The following TAF1B variants were observed in gnomAD, a reference collection of about 807,000 sequenced individuals.
TAF1B encodes TATA box-binding protein-associated factor RNA polymerase I subunit B.
TAF1B carries 61 observed loss-of-function variants against 83.9 expected under a neutral mutation model. The ratio of observed to expected loss-of-function variants is 0.73; its 90% CI spans 0.59 to 0.90. TAF1B has a LOEUF of 0.90. Among genes scored for constraint, TAF1B ranks in the 40% least tolerant of loss-of-function variants. The pLI, the probability that TAF1B is intolerant of heterozygous loss-of-function variation, is 0.00. For synonymous variants in TAF1B, 221 were observed against 224.6 expected (o/e 0.98, Z 0.14); for missense variants, 625 against 677.0 (o/e 0.92, Z 0.85).
intron 14 of TAF1B, among the ~76,000 whole-genome samples, chr2:9,929,142 T>TTTGTTGTTG (rs70948857): frequency 0.036 from 5,411 of 150,962 alleles, 162 homozygotes; most frequent in African/African-American, 0.075. Flanking sequence ...ATTGGTTCTG[T>TTTGTTGTTG]TTGTTGTTGT....
chr2:9,860,995 C>T (rs995616003), intron 5 of TAF1B, among the ~76,000 whole-genome samples: 4 of 152,318 alleles, frequency 2.6e-5, no homozygotes, highest in African/African-American at 9.6e-5. Flanking sequence ...ATAGGAACAG[C>T]TCCAGTCTAC....
chr2:9,911,691 C>A, intron 11 of TAF1B, 134 bp downstream of exon 11: 1 of 519,828 alleles, frequency 1.9e-6, no homozygotes, highest in Non-Finnish European at 3.2e-6. Flanking sequence ...GTATATTGTA[C>A]CAGTATTGTT....
At chr2:9,929,218 G>GCACAA (rs1666136304) in intron 14 of TAF1B, among the ~76,000 whole-genome samples, 1 of 152,094 alleles carries the variant, frequency 6.6e-6, no homozygotes, top group South Asian at 2.1e-4. Context: ...GAGTGCAGTG[G>GCACAA]CACAATCTCG....
At chr2:9,930,043 A>G (rs1666164800) in intron 14 of TAF1B, among the ~76,000 whole-genome samples, 1 of 152,072 alleles carries the variant, frequency 6.6e-6, no homozygotes, top group East Asian at 1.9e-4. Flanking sequence ...CCCCTTTATC[A>G]TTGCATCTAT....
At chr2:9,891,582 T>TA (rs1421446163) in intron 8 of TAF1B, among the ~76,000 whole-genome samples, 2 of 151,976 alleles carry the variant, frequency 1.3e-5, no homozygotes, top group African/African-American at 4.8e-5. Flanking sequence ...TTCTACTTAT[T>TA]AAAAAAAAGT....
In TAF1B at chr2:9,919,812, C is replaced by A. The variant is rs1259746730; in HGVS notation, c.1557C>A (p.Phe519Leu). ...NSLYWLSTQK[F>L]CRCYCTHVTT... The stretch of plus-strand genomic sequence containing the variant: ...TATATTGGCTTAGTACACAGAAATT[C>A]TGCAGATGGTAATAATGCTTTTAGA... Residue 519 changes from phenylalanine (F) to leucine (L), a missense_variant, in exon 14 of 15, where the codon TTC becomes TTA. By Grantham distance (22) the Phe-to-Leu change is conservative (BLOSUM62 0). Transcript: ENST00000263663. 6.2e-7 allele frequency: 1 copy of A among 1,613,310 alleles called. No homozygotes were observed. Among genetic ancestry groups the A allele is most frequent in the Non-Finnish European group, 8.5e-7 (1 of 1,179,568 alleles).
At chr2:9,856,605 G>T (rs1663574196) in intron 5 of TAF1B, among the ~76,000 whole-genome samples, 1 of 152,138 alleles carries the variant, frequency 6.6e-6, no homozygotes, top group African/African-American at 2.4e-5. Context: ...TTTGTTGATT[G>T]TATTTATGCC....
chr2:9,843,727 A>T (rs115657324), intron 1 of TAF1B, 168 bp downstream of exon 1: 1 of 674,676 alleles, frequency 1.5e-6, no homozygotes, highest in Non-Finnish European at 2.3e-6. Context: ...GGCCGGCCGC[A>T]TGCGCGCGCG....
In TAF1B at chr2:9,922,447, CT is replaced by C. The variant is rs1172147798; in HGVS notation, c.1565+2630del. Among the ~76,000 whole-genome samples, 14 of 152,082 alleles carry C rather than the reference CT, an allele frequency of 9.2e-5. 1 individual carries two copies. The highest frequency in any genetic ancestry group is 3.4e-4 in the African/African-American group (14 of 41,390). On this transcript the variant is annotated intron_variant, in intron 14 of 14. Transcript: ENST00000263663. ...TGCTCTGCCTCCTGCCTAGAATGTTCTTTCCCCCATGTATCCACATGGGCTC... is the reference window on the plus strand; with the variant it reads ...TGCTCTGCCTCCTGCCTAGAATGTTCTTCCCCCATGTATCCACATGGGCTC...
intron 5 of TAF1B, among the ~76,000 whole-genome samples, chr2:9,861,238 C>T (rs1032050401): frequency 7.2e-5 from 11 of 152,348 alleles, no homozygotes; most frequent in South Asian, 2.1e-4. Flanking sequence ...AAAATCAGGT[C>T]GCTCCCACCC....
At position 9,851,522 on chromosome 2, in the gene TAF1B, C is replaced by G. The variant is rs1444723535; in HGVS notation, c.206-19C>G. 7.6e-6 allele frequency: 12 copies of G among 1,570,064 alleles called. No homozygotes were observed. Among genetic ancestry groups the G allele is most frequent in the African/African-American group, 2.7e-5 (2 of 73,212 alleles). ...TAAATTAGGAATGTATATGCTAAAA[C>G]ATGCTATTTGTCATTTAGAAAAAGG... is the stretch of plus-strand genomic sequence containing the variant. On this transcript the variant is annotated intron_variant, in intron 3 of 14. Coordinates refer to ENST00000263663, the MANE Select transcript of TAF1B (RefSeq NM_005680.3).
At chr2:9,845,438 T>G in intron 2 of TAF1B, 120 bp downstream of exon 2, 1 of 703,868 alleles carries the variant, frequency 1.4e-6, no homozygotes, top group Non-Finnish European at 2.5e-6. Context: ...AATGCCAACA[T>G]TCCAAGGATG....
At position 9,851,547 on chromosome 2, in the gene TAF1B, G is replaced by T; in HGVS notation, c.212G>T (p.Gly71Val). ...GLKKKNNTEK[G>V]WDWYVCEGFQ... is the part of the protein sequence containing the mutation. ...CATGCTATTTGTCATTTAGAAAAAGGCTGGGATTGGTATGTGTGTGAAGGT... is the reference window on the plus strand; with the variant it reads ...CATGCTATTTGTCATTTAGAAAAAGTCTGGGATTGGTATGTGTGTGAAGGT... The change falls in exon 4 of 15, where the codon GGC becomes GTC. Residue 71 changes from glycine to valine, a missense_variant. Coordinates refer to ENST00000263663, the MANE Select transcript of TAF1B (RefSeq NM_005680.3). 6.2e-7 allele frequency: 1 copy of T among 1,600,564 alleles called. No individual in the cohort carries two copies. The highest frequency in any genetic ancestry group is 8.5e-7 in the Non-Finnish European group (1 of 1,175,474).
chr2:9,845,657 G>T, intron 2 of TAF1B: 1 of 263,022 alleles, frequency 3.8e-6, no homozygotes. Context: ...TGTCATGGTG[G>T]CTTAGAGGTT....
intron 8 of TAF1B, among the ~76,000 whole-genome samples, chr2:9,884,804 T>A (rs886619698): frequency 5.3e-5 from 8 of 152,136 alleles, no homozygotes; most frequent in Non-Finnish European, 2.9e-5. Context: ...TGGGTGCTGC[T>A]GCAGCCACCC....
At chr2:9,888,044 C>T (rs148694517) in intron 8 of TAF1B, among the ~76,000 whole-genome samples, 6 of 152,140 alleles carry the variant, frequency 3.9e-5, no homozygotes, top group Admixed American at 1.3e-4. Flanking sequence ...TTTTTAGAGA[C>T]GTGGTCTTGC....
chr2:9,869,650 C>T lies in TAF1B; in HGVS notation c.553+1221C>T, dbSNP rs553354589. Among the ~76,000 whole-genome samples the T allele has an allele frequency of 5.3e-5, 8 of 151,426 alleles. No homozygotes were observed. The East Asian group carries it at 1.6e-3, about 30-fold the overall frequency. ...CAGGACTATGGGAGGCTGAGGCGAG[C>T]AGATCACTTGAGGTCAGGAGTTTGA... On this transcript the variant is annotated intron_variant, in intron 6 of 14. Coordinates refer to ENST00000263663, the MANE Select transcript of TAF1B (RefSeq NM_005680.3).
rs1250412117 is a variant in TAF1B at position 9,851,592 on chromosome 2, A to G, written c.257A>G (p.Gln86Arg). The G allele has an allele frequency of 1.2e-6, 2 of 1,612,948 alleles. No individual in the cohort carries two copies. ...VCEGFQYILYQQAEALKNLGV... is the reference protein window; with the variant it reads ...VCEGFQYILYRQAEALKNLGV... ...GAAGGTTTCCAGTATATTCTTTATC[A>G]ACAAGCAGAAGCCTTAAAGAACCTT... The change falls in exon 4 of 15, where the codon CAA (glutamine) becomes CGA (arginine). Residue 86 changes from glutamine (Q) to arginine (R), a missense_variant. Gln to Arg is a conservative substitution (Grantham distance 43). Transcript: ENST00000263663.
chr2:9,921,608 T>G (rs114025879), intron 14 of TAF1B, among the ~76,000 whole-genome samples: 3 of 152,222 alleles, frequency 2.0e-5, no homozygotes, highest in African/African-American at 7.2e-5. Context: ...AAGAGAAGAT[T>G]TTTTTAATAA....
Sources: gnomAD v4.1 joint callset for allele counts (sites outside exome capture counted in the v4.1 genomes callset) on GRCh38, gnomAD v4.1.1 for gene constraint, MANE v1.5 for transcripts, NCBI Gene and HGNC (gene_info 2026-07-23, HGNC 2026-07-21) for gene names.